The following SYNJ1 variants were observed in gnomAD, a reference collection of about 807,000 sequenced individuals.
SYNJ1 encodes synaptojanin 1.
In SYNJ1, 78 loss-of-function variants were observed where a neutral mutation model predicts 168.2. That is an observed-to-expected ratio of 0.46 (90% CI 0.39 to 0.56). The LOEUF is 0.56. SYNJ1 is among the 20% of genes least tolerant of loss of function. The pLI, the probability that SYNJ1 is intolerant of heterozygous loss-of-function variation, is 0.00. For missense variants in SYNJ1, 1,303 were observed against 1,597.6 expected, an observed-to-expected ratio of 0.82 and a Z score of 3.14; for synonymous variants, 539 against 548.6, an observed-to-expected ratio of 0.98 and a Z score of 0.24.
At chr21:32,715,245 G>C (rs968481250) in intron 2 of SYNJ1, among the ~76,000 whole-genome samples, 1 of 152,202 alleles carries the variant, frequency 6.6e-6, no homozygotes, top group African/African-American at 2.4e-5. Context: ...AGCTGAGGCA[G>C]GTGGATCACT....
chr21:32,644,442 T>C (rs1356653364), intron 26 of SYNJ1, among the ~76,000 whole-genome samples: 2 of 152,212 alleles, frequency 1.3e-5, no homozygotes, highest in African/African-American at 2.4e-5. Flanking sequence ...TTCTGAGGAA[T>C]TGTGAAAACT....
rs1342208567 is a variant in SYNJ1 at position 32,631,303 on chromosome 21, T to C, written c.*502A>G. 3 of 1,614,252 alleles carry C rather than the reference T, an allele frequency of 1.9e-6. No homozygotes were observed. The highest frequency in any genetic ancestry group is 2.2e-5 in the East Asian group (1 of 44,890). On this transcript the variant is annotated 3_prime_UTR_variant, in exon 33 of 33. Coordinates refer to ENST00000674351, the MANE Select transcript of SYNJ1 (RefSeq NM_203446.3). ...CCTTTCGGGTTGCTAATTTTTAATG[T>C]AGACTGGCCCTGTAGATCAAAACTG...
chr21:32,704,573 A>T (rs949676063), intron 2 of SYNJ1, among the ~76,000 whole-genome samples: 3 of 152,162 alleles, frequency 2.0e-5, no homozygotes, highest in Admixed American at 6.5e-5. Context: ...GCCTGGCATG[A>T]GTTCCTGAAG....
intron 8 of SYNJ1, among the ~76,000 whole-genome samples, chr21:32,686,412 T>C (rs1379691348): frequency 6.6e-6 from 1 of 152,222 alleles, no homozygotes; most frequent in Non-Finnish European, 1.5e-5. Context: ...TGTTTAAGTT[T>C]ATAATCTTAT....
rs1307018188 is a variant in SYNJ1, at chr21:32,666,504, C to A, written c.1881G>T (p.Leu627=). 6.2e-7 allele frequency: 1 copy of A among 1,614,002 alleles called. No homozygotes were observed. Among genetic ancestry groups the A allele is most frequent in the Non-Finnish European group, 8.5e-7 (1 of 1,179,994 alleles). The part of the protein sequence containing the change: ...KTISRDNKYV[L]LASEQLVGVC... ...CGCCCACCAACTGTTCAGAAGCCAG[C>A]AGCACATACTTGTTGTCTCTGGAGA... is the stretch of plus-strand genomic sequence containing the variant. Residue 627 remains leucine, a synonymous_variant, in exon 16 of 33, where the codon CTG becomes CTT. Transcript: ENST00000674351.
intron 22 of SYNJ1, among the ~76,000 whole-genome samples, chr21:32,651,180 T>G (rs914582995): frequency 5.9e-5 from 9 of 152,254 alleles, no homozygotes; most frequent in Non-Finnish European, 8.8e-5. Context: ...GCTTTCTAAA[T>G]TTAATCTCTC....
intron 1 of SYNJ1, 75 bp downstream of exon 1, chr21:32,727,871 C>T: frequency 6.6e-7 from 1 of 1,523,764 alleles, no homozygotes; most frequent in East Asian, 2.5e-5. Flanking sequence ...AGAGACTGGT[C>T]TTGGAGGCGT....
intron 4 of SYNJ1, among the ~76,000 whole-genome samples, chr21:32,697,199 T>G (rs1377353765): frequency 6.6e-6 from 1 of 152,190 alleles, no homozygotes; most frequent in South Asian, 2.1e-4. Flanking sequence ...GAATTTCCAA[T>G]GGAGTAAAGC....
chr21:32,638,771 T>A, intron 31 of SYNJ1, 137 bp downstream of exon 31: 1 of 713,300 alleles, frequency 1.4e-6, no homozygotes. Context: ...TATATATGTA[T>A]AATAACAAAT....
At chr21:32,634,491 C>T (rs1229477848) in intron 32 of SYNJ1, among the ~76,000 whole-genome samples, 1 of 152,056 alleles carries the variant, frequency 6.6e-6, no homozygotes, top group African/African-American at 2.4e-5. Flanking sequence ...TCCTAAAAAA[C>T]ATACTGAATT....
chr21:32,632,435 G>A (rs1448761627), intron 32 of SYNJ1, among the ~76,000 whole-genome samples: 1 of 151,048 alleles, frequency 6.6e-6, no homozygotes, highest in Admixed American at 6.6e-5. Context: ...ACCCAGGCTG[G>A]AGTGCAATGG....
rs112465508 is a variant in SYNJ1, at chr21:32,688,495, T to C, written c.790-128A>G. The C allele has an allele frequency of 6.4e-4, 462 of 724,078 alleles. 1 individual carries two copies. The African/African-American group carries it at 7.7e-3, about 12-fold the overall frequency. 44.9% of individuals were successfully genotyped at this position (724,078 alleles called of 1,614,324 possible). On this transcript the variant is annotated intron_variant, in intron 6 of 32. Transcript: ENST00000674351. ...TCGTTAATCAAATAACTGATTTCCATTCATGATATGCTTTTAAAAAAACAA... is the reference window on the plus strand; with the variant it reads ...TCGTTAATCAAATAACTGATTTCCACTCATGATATGCTTTTAAAAAAACAA...
At chr21:32,690,156 C>G (rs1221213904) in intron 6 of SYNJ1, among the ~76,000 whole-genome samples, 1 of 152,244 alleles carries the variant, frequency 6.6e-6, no homozygotes, top group Non-Finnish European at 1.5e-5. Flanking sequence ...TATATACATT[C>G]AGCTATGTAT....
chr21:32,637,634 T>C (rs1446534543), intron 31 of SYNJ1, among the ~76,000 whole-genome samples: 8 of 152,142 alleles, frequency 5.3e-5, no homozygotes, highest in Admixed American at 5.2e-4. Flanking sequence ...CAGGCTGGTC[T>C]TGAATTCCTG....
At chr21:32,659,709 C>T (rs2040602543) in intron 18 of SYNJ1, among the ~76,000 whole-genome samples, 1 of 152,202 alleles carries the variant, frequency 6.6e-6, no homozygotes, top group Admixed American at 6.5e-5. Context: ...AGGAATTGCT[C>T]ACTCGGGGAG....
chr21:32,637,000 A>G (rs909188334), intron 31 of SYNJ1, among the ~76,000 whole-genome samples: 5 of 152,230 alleles, frequency 3.3e-5, no homozygotes, highest in African/African-American at 9.6e-5. Context: ...ACTTCAATGA[A>G]AAACATAAAA....
intron 3 of SYNJ1, among the ~76,000 whole-genome samples, chr21:32,701,461 T>C (rs989106869): frequency 5.3e-5 from 8 of 152,074 alleles, no homozygotes; most frequent in African/African-American, 1.7e-4. Flanking sequence ...AGTACCAATG[T>C]TGAAGAACAC....
intron 1 of SYNJ1, among the ~76,000 whole-genome samples, chr21:32,727,502 C>G (rs1015603520): frequency 6.6e-6 from 1 of 152,036 alleles, no homozygotes; most frequent in East Asian, 1.9e-4. Flanking sequence ...GCTGGGGGGA[C>G]GGCAGGCGGG....
Position 32,639,665 on chromosome 21 carries a change from A to C in SYNJ1, c.3697+6T>G. On this transcript the variant is annotated splice_donor_region_variant and intron_variant, in intron 30 of 32. Coordinates refer to ENST00000674351, the MANE Select transcript of SYNJ1 (RefSeq NM_203446.3). Reference sequence around the variant, plus strand: ...CTCCTGCCTCAGCCTCCCAAAGAGGACCTACCTTTCGACGTTTCTGATGTT... The same window carrying C: ...CTCCTGCCTCAGCCTCCCAAAGAGGCCCTACCTTTCGACGTTTCTGATGTT... 1.9e-6 allele frequency: 3 copies of C among 1,612,838 alleles called. No homozygotes were observed. The highest frequency in any genetic ancestry group is 2.5e-6 in the Non-Finnish European group (3 of 1,179,372).
Sources: allele counts gnomAD v4.1 joint callset (sites outside exome capture counted in the v4.1 genomes callset), GRCh38; gene constraint gnomAD v4.1.1; transcripts MANE v1.5; gene names NCBI Gene and HGNC (gene_info 2026-07-23, HGNC 2026-07-21).